Variants in FOCAD observed in about 807,000 individuals in gnomAD.
FOCAD encodes the protein focadhesin, also known as KIAA1797.
A neutral mutation model predicts 225.6 loss-of-function variants in FOCAD; 198 were observed. The ratio of observed to expected loss-of-function variants is 0.88; its 90% CI spans 0.78 to 0.99. The LOEUF is 0.99. Among genes scored for constraint, FOCAD ranks in the 50% least tolerant of loss-of-function variants. The pLI, the probability that FOCAD is intolerant of heterozygous loss-of-function variation, is 0.00. For synonymous variants in FOCAD, 897 were observed against 755.0 expected, an observed-to-expected ratio of 1.19 and a Z score of -3.08; for missense variants, 2,713 against 2,123.6, an observed-to-expected ratio of 1.28 and a Z score of -5.46.
intron 5 of FOCAD, among the ~76,000 whole-genome samples, chr9:20,743,004 C>T (rs984870536): frequency 6.6e-6 from 1 of 152,136 alleles, no homozygotes; most frequent in East Asian, 1.9e-4. Context: ...TGTATAAGAG[C>T]CTTAAGTTCC....
At position 20,866,917 on chromosome 9, in the gene FOCAD, T is replaced by TTTTAC; in HGVS notation, c.2107-12_2107-11insTTTAC. On this transcript the variant is annotated splice_polypyrimidine_tract_variant and intron_variant, in intron 17 of 43. Transcript: ENST00000338382. ...TTTTTTTTTTTTTTTTTTTTTTTTT[T>TTTTAC]ACCCTATCTAGGACCCAATTGTAGC... The TTTTAC allele has an allele frequency of 1.3e-6, 1 of 764,972 alleles. No individual in the cohort carries two copies. The highest frequency in any genetic ancestry group is 2.0e-6 in the Non-Finnish European group (1 of 498,468). The allele number at this position is 764,972 out of a possible 1,614,324, so 47.4% of individuals were successfully genotyped here. A position where few individuals can be genotyped will look rare whatever the true frequency, so the allele number is the denominator to read the frequency against.
At chr9:20,898,392 G>A (rs1468540206) in intron 21 of FOCAD, among the ~76,000 whole-genome samples, 1 of 151,166 alleles carries the variant, frequency 6.6e-6, no homozygotes, top group African/African-American at 2.4e-5. Flanking sequence ...GTTGTCCCAC[G>A]GTTCTTAGAT....
chr9:20,790,979 T>C (rs1820466943), intron 11 of FOCAD, among the ~76,000 whole-genome samples: 1 of 152,168 alleles, frequency 6.6e-6, no homozygotes, highest in Admixed American at 6.6e-5. Context: ...GTATGCGTAA[T>C]GTGAATCAGT....
At chr9:20,806,313 T>G (rs915052042) in intron 11 of FOCAD, among the ~76,000 whole-genome samples, 13 of 152,168 alleles carry the variant, frequency 8.5e-5, no homozygotes, top group African/African-American at 3.1e-4. Flanking sequence ...AAATGGCAAG[T>G]TTTTGGAGCC....
chr9:20,716,085 G>C (rs376323297), intron 2 of FOCAD: 1 of 447,286 alleles, frequency 2.2e-6, no homozygotes, highest in South Asian at 1.7e-5. Context: ...AATTAACTTC[G>C]GAGATGTCTG....
At chr9:20,922,008 G>C (rs1327690704) in intron 24 of FOCAD, among the ~76,000 whole-genome samples, 1 of 152,144 alleles carries the variant, frequency 6.6e-6, no homozygotes, top group Admixed American at 6.6e-5. Flanking sequence ...CACCTTTAGG[G>C]ATTCATGACC....
chr9:20,658,618 T>A (rs1821600000), intron 1 of FOCAD: 1 of 153,606 alleles, frequency 6.5e-6, no homozygotes, highest in African/African-American at 2.4e-5. Flanking sequence ...GGTGAGGCAA[T>A]GCCTCGCCCT....
At chr9:20,904,969 G>C (rs893159009) in intron 21 of FOCAD, among the ~76,000 whole-genome samples, 1 of 152,012 alleles carries the variant, frequency 6.6e-6, no homozygotes, top group African/African-American at 2.4e-5. Context: ...ATTCTAAAAT[G>C]TGTTTTTGTT....
At chr9:20,954,422 T>G (rs534667422) in intron 35 of FOCAD, among the ~76,000 whole-genome samples, 19 of 152,250 alleles carry the variant, frequency 1.2e-4, no homozygotes, top group African/African-American at 4.6e-4. Flanking sequence ...TGATGTGAGA[T>G]ATTTTCATGA....
At chr9:20,754,276 G>T (rs757485684) in intron 5 of FOCAD, among the ~76,000 whole-genome samples, 1 of 152,080 alleles carries the variant, frequency 6.6e-6, no homozygotes, top group African/African-American at 2.4e-5. Context: ...AATTTTAAAT[G>T]CTTTAATTAT....
At chr9:20,876,062 T>C (rs1830196728) in intron 19 of FOCAD, among the ~76,000 whole-genome samples, 1 of 152,210 alleles carries the variant, frequency 6.6e-6, no homozygotes, top group Non-Finnish European at 1.5e-5. Context: ...CAGCCAAATA[T>C]ATACTATTTA....
At chr9:20,663,155 G>A (rs988027792) in intron 2 of FOCAD, among the ~76,000 whole-genome samples, 4 of 152,084 alleles carry the variant, frequency 2.6e-5, no homozygotes, top group African/African-American at 7.2e-5. Flanking sequence ...GAGAGGCTGA[G>A]GTGGGAGGAT....
intron 2 of FOCAD, among the ~76,000 whole-genome samples, chr9:20,670,703 G>A (rs1047319450): frequency 4.6e-5 from 7 of 152,078 alleles, no homozygotes; most frequent in South Asian, 4.2e-4. Flanking sequence ...GGGACACAGC[G>A]CCAAACCATA....
chr9:20,927,550 T>TACCC (rs771774692), intron 26 of FOCAD, among the ~76,000 whole-genome samples: 13 of 152,086 alleles, frequency 8.5e-5, no homozygotes, highest in Non-Finnish European at 1.8e-4. Context: ...AGCCACCTGT[T>TACCC]ACCCATCCTC....
At chr9:20,915,488 A>C (rs1833795526) in intron 23 of FOCAD, among the ~76,000 whole-genome samples, 1 of 152,194 alleles carries the variant, frequency 6.6e-6, no homozygotes. Flanking sequence ...GAAGATAGGG[A>C]CTGAGAATTG....
intron 4 of FOCAD, among the ~76,000 whole-genome samples, chr9:20,737,274 T>A (rs902532397): frequency 5.9e-5 from 9 of 152,358 alleles, no homozygotes; most frequent in African/African-American, 1.9e-4. Flanking sequence ...TGGATTCCAC[T>A]GCTTTCATAA....
chr9:20,930,317 T>C (rs1386369042), intron 27 of FOCAD, among the ~76,000 whole-genome samples: 1 of 152,222 alleles, frequency 6.6e-6, no homozygotes, highest in Admixed American at 6.5e-5. Context: ...ATTTATTTTC[T>C]AGCAATTCTT....
intron 15 of FOCAD, among the ~76,000 whole-genome samples, chr9:20,840,645 T>C (rs368374389): frequency 2.6e-5 from 4 of 151,916 alleles, no homozygotes; most frequent in African/African-American, 9.6e-5. Context: ...TCTTTAGGTT[T>C]TTTTCCAATA....
chr9:20,773,490 A>G (rs964891316), intron 8 of FOCAD, among the ~76,000 whole-genome samples: 2 of 152,226 alleles, frequency 1.3e-5, no homozygotes, highest in East Asian at 1.9e-4. Flanking sequence ...CAAATAGCAC[A>G]TAGATCAAAA....
Sources: allele counts gnomAD v4.1 joint callset (sites outside exome capture counted in the v4.1 genomes callset), GRCh38; gene constraint gnomAD v4.1.1; transcripts MANE v1.5; gene names NCBI Gene and HGNC (gene_info 2026-07-23, HGNC 2026-07-21).